Variants in STAU2 observed in about 807,000 individuals in gnomAD.
STAU2 encodes staufen double-stranded RNA binding protein 2.
STAU2 carries 20 observed loss-of-function variants against 65.9 expected under a neutral mutation model. The observed-to-expected ratio is 0.30, with a 90% confidence interval of 0.21 to 0.44. The LOEUF (loss-of-function observed/expected upper bound fraction) is 0.44. Among genes scored for constraint, STAU2 ranks in the 20% least tolerant of loss-of-function variants. The pLI is 1.00. For synonymous variants in STAU2, 232 were observed against 233.9 expected (o/e 0.99, Z 0.07); for missense variants, 558 against 683.9 (o/e 0.82, Z 2.05).
chr8:73,423,291 G>A (rs577297715), intron 13 of STAU2, among the ~76,000 whole-genome samples: 2 of 152,186 alleles, frequency 1.3e-5, no homozygotes, highest in African/African-American at 2.4e-5. Context: ...AGAGCCTCCC[G>A]AGGTGTTGAT....
chr8:73,465,545 T>C (rs918904749), intron 13 of STAU2, among the ~76,000 whole-genome samples: 4 of 152,228 alleles, frequency 2.6e-5, no homozygotes, highest in African/African-American at 7.2e-5. Context: ...AATTTTTTGT[T>C]TGGGATGTTT....
intron 1 of STAU2, among the ~76,000 whole-genome samples, chr8:73,742,794 A>G (rs995746110): frequency 1.3e-5 from 2 of 152,144 alleles, no homozygotes; most frequent in Non-Finnish European, 2.9e-5. Context: ...TACTGCTGAT[A>G]TAAGTCGTAC....
intron 3 of STAU2, among the ~76,000 whole-genome samples, chr8:73,723,241 T>C (rs1056560053): frequency 6.6e-6 from 1 of 152,122 alleles, no homozygotes; most frequent in African/African-American, 2.4e-5. Flanking sequence ...AGAAAACCCA[T>C]GCAGACATGG....
At chr8:73,731,620 T>C (rs1009539595) in intron 3 of STAU2, among the ~76,000 whole-genome samples, 5 of 152,180 alleles carry the variant, frequency 3.3e-5, no homozygotes, top group African/African-American at 1.2e-4. Flanking sequence ...ACATAACAAA[T>C]TACCTCCAAT....
intron 13 of STAU2, among the ~76,000 whole-genome samples, chr8:73,523,842 G>A (rs1259753973): frequency 6.6e-6 from 1 of 152,134 alleles, no homozygotes; most frequent in Admixed American, 6.6e-5. Context: ...TAAATTTTTT[G>A]CATTTTATAG....
intron 6 of STAU2, among the ~76,000 whole-genome samples, chr8:73,637,595 G>A (rs1329789802): frequency 2.0e-5 from 3 of 148,494 alleles, no homozygotes; most frequent in East Asian, 2.0e-4. Flanking sequence ...GATGTTTTCA[G>A]TAAACAAAAA....
intron 6 of STAU2, among the ~76,000 whole-genome samples, chr8:73,671,312 G>A (rs1388038696): frequency 1.3e-5 from 2 of 151,610 alleles, no homozygotes; most frequent in African/African-American, 2.4e-5. Context: ...CCCAGGAGGC[G>A]GAGGGTGCAG....
intron 9 of STAU2, among the ~76,000 whole-genome samples, chr8:73,607,323 G>A (rs1812092346): frequency 6.6e-6 from 1 of 152,166 alleles, no homozygotes; most frequent in South Asian, 2.1e-4. Context: ...AAAGCTTATT[G>A]AGAAATGTTT....
chr8:73,636,471 A>C (rs561925829), intron 6 of STAU2, among the ~76,000 whole-genome samples: 1 of 152,280 alleles, frequency 6.6e-6, no homozygotes, highest in South Asian at 2.1e-4. Context: ...AATACAATCC[A>C]AAATTATTCA....
At chr8:73,682,946 A>G (rs1049409365) in intron 5 of STAU2, among the ~76,000 whole-genome samples, 4 of 151,818 alleles carry the variant, frequency 2.6e-5, no homozygotes, top group Non-Finnish European at 4.4e-5. Context: ...TGACCACAGC[A>G]AGACTGAAAT....
chr8:73,664,527 T>A (rs1234008107), intron 6 of STAU2, among the ~76,000 whole-genome samples: 1 of 152,206 alleles, frequency 6.6e-6, no homozygotes, highest in East Asian at 1.9e-4. Flanking sequence ...GTCAAATGTT[T>A]TTTCTGCACC....
intron 13 of STAU2, among the ~76,000 whole-genome samples, chr8:73,455,819 C>G (rs1335500733): frequency 1.3e-5 from 2 of 152,104 alleles, no homozygotes; most frequent in African/African-American, 4.8e-5. Flanking sequence ...TGTACACCAC[C>G]TGGCCGTGGT....
chr8:73,741,551 C>CA (rs554343846), intron 1 of STAU2, among the ~76,000 whole-genome samples: 23 of 150,366 alleles, frequency 1.5e-4, no homozygotes, highest in East Asian at 1.2e-3. Context: ...CTTGCCCTGT[C>CA]ACCCAGAGTG....
chr8:73,611,650 T>C (rs1035519957), intron 9 of STAU2, among the ~76,000 whole-genome samples: 1 of 150,550 alleles, frequency 6.6e-6, no homozygotes, highest in African/African-American at 2.4e-5. Context: ...GCCTAACAGT[T>C]TATTATGATG....
intron 13 of STAU2, among the ~76,000 whole-genome samples, chr8:73,467,342 CT>C (rs1294912273): frequency 6.6e-6 from 1 of 152,130 alleles, no homozygotes; most frequent in Non-Finnish European, 1.5e-5. Context: ...ACCATCCTGG[CT>C]AACACGATGA....
At chr8:73,714,082 T>A (rs1263197644) in intron 3 of STAU2, among the ~76,000 whole-genome samples, 1 of 152,048 alleles carries the variant, frequency 6.6e-6, no homozygotes. Context: ...TTTGTTTTTT[T>A]AGTAGAGACG....
At position 73,582,158 on chromosome 8, in the gene STAU2, GT is replaced by G. The variant is rs571881081; in HGVS notation, c.1222+611del. 8.9e-4 allele frequency among the ~76,000 whole-genome samples: 135 copies of G among 152,184 alleles called. 1 individual carries two copies. The highest frequency in any genetic ancestry group is 3.1e-3 in the African/African-American group (129 of 41,556). ...TGAAAAAAATTAGTAAACTGAAATT[GT>G]TTTTTAAGTGTTTGACAATACTGTA... On this transcript the variant is annotated intron_variant, in intron 12 of 14. Coordinates refer to ENST00000524300, the MANE Select transcript of STAU2 (RefSeq NM_001164380.2).
intron 13 of STAU2, among the ~76,000 whole-genome samples, chr8:73,505,953 CTT>C (rs1342287888): frequency 6.6e-5 from 10 of 152,064 alleles, no homozygotes; most frequent in East Asian, 3.9e-4. Context: ...CCCTCTCTCT[CTT>C]GTTCCCATGC....
Position 73,654,207 on chromosome 8 carries a change from T to C in STAU2, c.410+18900A>G, listed in dbSNP as rs756207665. Among the ~76,000 whole-genome samples, 29 of 152,326 alleles carry C rather than the reference T, an allele frequency of 1.9e-4. 1 individual carries two copies. Among genetic ancestry groups the C allele is most frequent in the Non-Finnish European group, 3.1e-4 (21 of 68,020 alleles). On this transcript the variant is annotated intron_variant, in intron 6 of 14. Transcript: ENST00000524300. ...TCTAATGGTTCAAGATAAATATTTT[T>C]ACCTATACATAGTAGTAAGGTGATA...
Sources: allele counts gnomAD v4.1 joint callset (sites outside exome capture counted in the v4.1 genomes callset), GRCh38; gene constraint gnomAD v4.1.1; transcripts MANE v1.5; gene names NCBI Gene and HGNC (gene_info 2026-07-23, HGNC 2026-07-21).